RPS13: variants seen among roughly 807,000 people sequenced by gnomAD.
RPS13 encodes small ribosomal subunit protein uS15.
In RPS13, 1 loss-of-function variant was observed where a neutral mutation model predicts 24.6. That is an observed-to-expected ratio of 0.04 (90% confidence interval 0.01 to 0.19). The LOEUF is 0.19. Ranked by LOEUF, RPS13 falls within the 10% of genes least tolerant of loss-of-function variation. The pLI is 1.00. For synonymous variants in RPS13, 69 were observed against 65.3 expected (o/e 1.06, Z -0.27); for missense variants, 88 against 187.4 (o/e 0.47, Z 3.10).
At chr11:17,075,010 C>G in intron 5 of RPS13, 87 bp downstream of exon 5, 1 of 899,128 alleles carries the variant, frequency 1.1e-6, no homozygotes, top group Non-Finnish European at 1.8e-6. Flanking sequence ...ACTACTAGCC[C>G]CCAAGGCTGA....
At chr11:17,075,051 G>T in intron 5 of RPS13, 46 bp downstream of exon 5, 1 of 1,286,084 alleles carries the variant, frequency 7.8e-7, no homozygotes, top group Non-Finnish European at 1.1e-6. Flanking sequence ...TTTACTACTG[G>T]CTGACTCCTA....
rs775968834 is a variant in RPS13 at position 17,077,151 on chromosome 11, T to C, written c.151+17A>G. ...CGAGGACAGGCGAAATAGGCTATGT[T>C]AGACACAAACACTCACCGATCTGTG... On this transcript the variant is annotated intron_variant, in intron 3 of 5. Coordinates refer to ENST00000525634, the MANE Select transcript of RPS13 (RefSeq NM_001017.3). 2 of 1,592,486 alleles carry C rather than the reference T, an allele frequency of 1.3e-6. No individual in the cohort carries two copies. Among genetic ancestry groups the C allele is most frequent in the Admixed American group, 1.7e-5 (1 of 59,868 alleles).
At position 17,077,265 on chromosome 11, in the gene RPS13, C is replaced by G. The variant is rs1848035951; in HGVS notation, c.73-19G>C. On this transcript the variant is annotated intron_variant, in intron 2 of 5. Coordinates refer to ENST00000525634, the MANE Select transcript of RPS13 (RefSeq NM_001017.3). ...TCAACCACTGTTATGGAATAGAAAG[C>G]AGCCTTAGGATGAGAACCCAGGAAT... The G allele has an allele frequency of 2.5e-6, 4 of 1,610,944 alleles. No individual in the cohort carries two copies. The South Asian group carries it at 3.3e-5, about 13-fold the overall frequency.
Position 17,077,183 on chromosome 11 carries a change from T to G in RPS13, c.136A>C (p.Thr46Pro). Residue 46 changes from threonine (T) to proline (P), a missense_variant, in exon 3 of 6, where the codon ACT becomes CCT. Physicochemically the swap from Thr to Pro is conservative, Grantham distance 38. Coordinates refer to ENST00000525634, the MANE Select transcript of RPS13 (RefSeq NM_001017.3). ...QIYKLAKKGL[T>P]PSQIGVILRD... The stretch of plus-strand genomic sequence containing the variant: ...AAACACTCACCGATCTGTGAAGGAG[T>G]AAGGCCCTTCTTGGCCAGTTTGTAA... 1 of 1,612,400 alleles carries G rather than the reference T, an allele frequency of 6.2e-7. No individual in the cohort carries two copies. The highest frequency in any genetic ancestry group is 8.5e-7 in the Non-Finnish European group (1 of 1,179,112).
At position 17,074,854 on chromosome 11, in the gene RPS13, G is replaced by A. The variant is rs1848002263; in HGVS notation, c.422+243C>T. On this transcript the variant is annotated intron_variant, in intron 5 of 5. Coordinates refer to ENST00000525634, the MANE Select transcript of RPS13 (RefSeq NM_001017.3). ...GGCTTATTCATGGTCTAAATCTGGG[G>A]TCTGCAACTATGGCCCTCTGCTTGT... is the stretch of plus-strand genomic sequence containing the variant. 6 of 625,822 alleles carry A rather than the reference G, an allele frequency of 9.6e-6. No individual in the cohort carries two copies. The East Asian group carries it at 1.4e-4, about 15-fold the overall frequency. 38.8% of individuals were successfully genotyped at this position (625,822 alleles called of 1,614,324 possible).
At chr11:17,076,350 A>G in intron 3 of RPS13, 1 of 286,510 alleles carries the variant, frequency 3.5e-6, no homozygotes, top group Non-Finnish European at 6.9e-6. Flanking sequence ...AGATCATACC[A>G]CTGCACTCCA....
chr11:17,076,513 G>A (rs530475448), intron 3 of RPS13: 2 of 362,986 alleles, frequency 5.5e-6, no homozygotes, highest in African/African-American at 2.3e-5. Flanking sequence ...CTGAGATCGC[G>A]CCACTGCACT....
chr11:17,074,971 C>T, intron 5 of RPS13, 126 bp downstream of exon 5: 1 of 685,986 alleles, frequency 1.5e-6, no homozygotes, highest in South Asian at 1.9e-5. Flanking sequence ...GAGCAGTTAA[C>T]AAAATAGCCC....
intron 3 of RPS13, among the ~76,000 whole-genome samples, chr11:17,076,174 G>A (rs986002266): frequency 2.6e-5 from 4 of 152,050 alleles, no homozygotes; most frequent in Non-Finnish European, 5.9e-5. Context: ...ATCATCTGAG[G>A]TCAGGAGTCT....
At position 17,075,732 on chromosome 11, in the gene RPS13, T is replaced by C. The variant is rs747627346; in HGVS notation, c.152-109A>G. 7 of 806,816 alleles carry C rather than the reference T, an allele frequency of 8.7e-6. No homozygotes were observed. In the African/African-American group the frequency reaches 1.0e-4, roughly 12 times the overall value. The allele number at this position is 806,816 out of a possible 1,614,324, so 50.0% of individuals were successfully genotyped here. Reference sequence around the variant, plus strand: ...TAGTTTCCTATCTGTAAGATGGGGGTATACTTTTATACATCACAGAAACCA... The same window carrying C: ...TAGTTTCCTATCTGTAAGATGGGGGCATACTTTTATACATCACAGAAACCA... On this transcript the variant is annotated intron_variant, in intron 3 of 5. Coordinates refer to ENST00000525634, the MANE Select transcript of RPS13 (RefSeq NM_001017.3).
chr11:17,077,539 A>T, intron 1 of RPS13, 62 bp from the exon 2 acceptor site: 1 of 1,611,470 alleles, frequency 6.2e-7, no homozygotes, highest in Non-Finnish European at 8.5e-7. Context: ...CCAGAACATC[A>T]TCCCCTCGGC....
rs745952704 is a variant in RPS13, at chr11:17,077,627, A to G, written c.15T>C (p.His5=). The G allele has an allele frequency of 7.1e-6, 11 of 1,550,818 alleles. No individual in the cohort carries two copies. Among genetic ancestry groups the G allele is most frequent in the African/African-American group, 1.4e-5 (1 of 69,856 alleles). The change falls in exon 1 of 6, where the codon CAT becomes CAC. Residue 5 remains histidine, a synonymous_variant. Transcript: ENST00000525634. The part of the protein sequence containing the change: MGRM[H]APGKGLSQSA... The stretch of plus-strand genomic sequence containing the variant: ...TGATGCCCCGAGCTCACCCGGGAGC[A>G]TGCATGCGACCCATGATGGCGGCGA...
intron 3 of RPS13, 27 bp downstream of exon 3, chr11:17,077,141 T>C (rs1272930170): frequency 1.9e-6 from 3 of 1,550,976 alleles, no homozygotes; most frequent in South Asian, 1.1e-5. Flanking sequence ...ACAGGCGAAA[T>C]AGGCTATGTT....
intron 3 of RPS13, 143 bp from the exon 4 acceptor site, chr11:17,075,766 A>T (rs1412128348): frequency 1.4e-5 from 10 of 721,032 alleles, no homozygotes; most frequent in Middle Eastern, 2.3e-4. Context: ...CAACGTGAGA[A>T]TGCACATAAA....
At position 17,075,214 on chromosome 11, in the gene RPS13, G is replaced by C. The variant is rs760251843; in HGVS notation, c.322-17C>G. 6.4e-7 allele frequency: 1 copy of C among 1,569,806 alleles called. No homozygotes were observed. The highest frequency in any genetic ancestry group is 8.6e-7 in the Non-Finnish European group (1 of 1,157,020). ...ATCCTTATCCTAAAAATAAAATTTG[G>C]TGCAATTCAAGAAAACCACCCAAAA... On this transcript the variant is annotated splice_polypyrimidine_tract_variant and intron_variant, in intron 4 of 5. Transcript: ENST00000525634.
intron 2 of RPS13, 23 bp from the exon 3 acceptor site, chr11:17,077,269 C>T: frequency 6.2e-7 from 1 of 1,609,170 alleles, no homozygotes; most frequent in Non-Finnish European, 8.5e-7. Flanking sequence ...AGAAAGCAGC[C>T]TTAGGATGAG....
At chr11:17,075,720 G>T in intron 3 of RPS13, 97 bp from the exon 4 acceptor site, 1 of 909,708 alleles carries the variant, frequency 1.1e-6, no homozygotes. Context: ...TTTCCTATCT[G>T]TAAGATGGGG....
intron 3 of RPS13, 124 bp from the exon 4 acceptor site, chr11:17,075,747 C>T (rs1428731927): frequency 1.3e-6 from 1 of 768,872 alleles, no homozygotes; most frequent in Admixed American, 2.1e-5. Context: ...TTTTATACAT[C>T]ACAGAAACCA....
chr11:17,074,536 A>C (rs1290435444), intron 5 of RPS13, 70 bp from the exon 6 acceptor site: 2 of 1,139,144 alleles, frequency 1.8e-6, no homozygotes, highest in Non-Finnish European at 2.6e-6. Flanking sequence ...CATTAACAGA[A>C]TCTCCCCACT....
Sources: gnomAD v4.1 joint callset for allele counts (sites outside exome capture counted in the v4.1 genomes callset) on GRCh38, gnomAD v4.1.1 for gene constraint, MANE v1.5 for transcripts, NCBI Gene and HGNC (gene_info 2026-07-23, HGNC 2026-07-21) for gene names.